FAM169A: variants seen among roughly 807,000 people sequenced by gnomAD.
The protein encoded by FAM169A is family with sequence similarity 169 member A, also known as soluble lamin-associated protein of 75 kDa.
In FAM169A, 24 loss-of-function variants were observed where a neutral mutation model predicts 75.7. The observed-to-expected ratio is 0.32, with a 90% CI of 0.23 to 0.45. The LOEUF (loss-of-function observed/expected upper bound fraction) is 0.45. Ranked by LOEUF, FAM169A falls within the 20% of genes least tolerant of loss-of-function variation. FAM169A has a pLI of 1.00. For synonymous variants in FAM169A, 271 were observed against 271.0 expected (o/e 1.00, Z 0.00); for missense variants, 673 against 784.0 (o/e 0.86, Z 1.69).
Position 74,781,111 on chromosome 5 carries a change from C to T in FAM169A, c.*349G>A. On this transcript the variant is annotated 3_prime_UTR_variant, in exon 13 of 13. Transcript: ENST00000687041. ...CCTTAGTATAAAAGATTTCTGTGAT[C>T]CTTATAAGTAATGGAAATCCTACTA... 1 of 195,118 alleles carries T rather than the reference C, an allele frequency of 5.1e-6. No individual in the cohort carries two copies. 12.1% of individuals were successfully genotyped at this position (195,118 alleles called of 1,614,324 possible).
intron 11 of FAM169A, among the ~76,000 whole-genome samples, chr5:74,794,714 G>C (rs1746172706): frequency 6.6e-6 from 1 of 150,724 alleles, no homozygotes; most frequent in Non-Finnish European, 1.5e-5. Flanking sequence ...GGGAGGCAGA[G>C]CTTGCAGTGA....
At chr5:74,804,392 G>T in intron 8 of FAM169A, 101 bp downstream of exon 8, 2 of 469,714 alleles carry the variant, frequency 4.3e-6, no homozygotes, top group South Asian at 6.8e-5. Flanking sequence ...TAGCTTTGTT[G>T]AATGAACTAT....
chr5:74,840,147 G>T lies in FAM169A; in HGVS notation c.159C>A (p.Gly53=). ...ITIPISLSNV[G]FVPLYGGDQT... Reference sequence around the variant, plus strand: ...GATCTCCACCATAAAGAGGTACAAAGCCTACATTTGACAGGCTAATAGGAA... The same window carrying T: ...GATCTCCACCATAAAGAGGTACAAATCCTACATTTGACAGGCTAATAGGAA... The change falls in exon 3 of 13, where the codon GGC becomes GGA. Residue 53 remains glycine (G), a synonymous_variant. Coordinates refer to ENST00000687041, the MANE Select transcript of FAM169A (RefSeq NM_001376049.1). 6.3e-7 allele frequency: 1 copy of T among 1,591,618 alleles called. No homozygotes were observed. Among genetic ancestry groups the T allele is most frequent in the Non-Finnish European group, 8.6e-7 (1 of 1,167,686 alleles).
At position 74,800,896 on chromosome 5, in the gene FAM169A, T is replaced by C; in HGVS notation, c.1087A>G (p.Thr363Ala). 11 of 1,451,214 alleles carry C rather than the reference T, an allele frequency of 7.6e-6. No individual in the cohort carries two copies. Among genetic ancestry groups the C allele is most frequent in the Non-Finnish European group, 1.0e-5 (11 of 1,096,564 alleles). 89.9% of individuals were successfully genotyped at this position (1,451,214 alleles called of 1,614,324 possible). The change falls in exon 10 of 13, where the codon ACA (threonine) becomes GCA (alanine). Residue 363 changes from threonine (T) to alanine (A), a missense_variant. By Grantham distance (58) the Thr-to-Ala change is moderately conservative. Around this residue, in one of 3 missense-constraint regions of FAM169A, gnomAD observed 510 missense variants for 550.9 expected, o/e 0.93. Transcript: ENST00000687041. ...EDEKTSQTSLTASINKLESTA... is the reference protein window; with the variant it reads ...EDEKTSQTSLAASINKLESTA... ...ATTATTTACTTGTTTATTGAAGCTG[T>C]AAGTGAAGTCTGGGAGGTCTTTTCA...
chr5:74,804,709 A>ATCT (rs1746773376), intron 7 of FAM169A, 104 bp from the exon 8 acceptor site: 2 of 575,658 alleles, frequency 3.5e-6, no homozygotes, highest in African/African-American at 3.8e-5. Flanking sequence ...GCCTGGACAG[A>ATCT]AGGGTCACGA....
intron 1 of FAM169A, among the ~76,000 whole-genome samples, chr5:74,847,472 T>A (rs1173758699): frequency 6.6e-6 from 1 of 152,148 alleles, no homozygotes; most frequent in Non-Finnish European, 1.5e-5. Context: ...TCTCAACTCA[T>A]TTTTTTAGAA....
chr5:74,792,074 T>G (rs567518701), intron 11 of FAM169A, among the ~76,000 whole-genome samples: 1 of 152,326 alleles, frequency 6.6e-6, no homozygotes, highest in Non-Finnish European at 1.5e-5. Flanking sequence ...GGGTTGGGGG[T>G]TTCCACTTGT....
intron 1 of FAM169A, among the ~76,000 whole-genome samples, chr5:74,854,652 T>C (rs1339598431): frequency 6.6e-6 from 1 of 152,064 alleles, no homozygotes. Context: ...ACTCTCTATC[T>C]CCATGAATTT....
chr5:74,790,621 T>C (rs1745926764), intron 11 of FAM169A, among the ~76,000 whole-genome samples: 2 of 152,134 alleles, frequency 1.3e-5, no homozygotes, highest in African/African-American at 4.8e-5. Context: ...ACTTGTTCTG[T>C]GGACACCACA....
At chr5:74,853,389 T>C (rs1749545036) in intron 1 of FAM169A, among the ~76,000 whole-genome samples, 1 of 152,182 alleles carries the variant, frequency 6.6e-6, no homozygotes, top group Admixed American at 6.5e-5. Context: ...CAGGTATTCC[T>C]ATACACCCTT....
intron 6 of FAM169A, among the ~76,000 whole-genome samples, chr5:74,809,387 G>A (rs958520656): frequency 1.3e-5 from 2 of 152,042 alleles, no homozygotes; most frequent in Non-Finnish European, 2.9e-5. Flanking sequence ...GAGGTCAGGA[G>A]ATCGAGACCA....
At chr5:74,810,519 G>A (rs1292382827) in intron 6 of FAM169A, among the ~76,000 whole-genome samples, 2 of 152,124 alleles carry the variant, frequency 1.3e-5, no homozygotes, top group East Asian at 3.9e-4. Flanking sequence ...GGAGTCCGAG[G>A]CGGGTGGATC....
At position 74,800,678 on chromosome 5, in the gene FAM169A, CACAA is replaced by C. The variant is rs570918112; in HGVS notation, c.1103+198_1103+201del. Among the ~76,000 whole-genome samples, 134 of 151,898 alleles carry C rather than the reference CACAA, an allele frequency of 8.8e-4. 1 individual carries two copies. Among genetic ancestry groups the C allele is most frequent in the African/African-American group, 3.1e-3 (129 of 41,450 alleles). ...ACTCCTACACCAAAGTCATCTGCTACACAAACAATGTAATCGCCTCTACCTTAAA... is the reference window on the plus strand; with the variant it reads ...ACTCCTACACCAAAGTCATCTGCTACACAATGTAATCGCCTCTACCTTAAA... On this transcript the variant is annotated intron_variant, in intron 10 of 12. Coordinates refer to ENST00000687041, the MANE Select transcript of FAM169A (RefSeq NM_001376049.1).
At chr5:74,844,558 G>A (rs1749051556) in intron 1 of FAM169A, among the ~76,000 whole-genome samples, 2 of 152,176 alleles carry the variant, frequency 1.3e-5, no homozygotes, top group Admixed American at 6.5e-5. Context: ...AGTGGCTCAC[G>A]CCTGTAATCC....
At position 74,780,311 on chromosome 5, in the gene FAM169A, T is replaced by A. The variant is rs1289044386; in HGVS notation, c.*1149A>T. 6.6e-6 allele frequency: 1 copy of A among 152,092 alleles called. No homozygotes were observed. The highest frequency in any genetic ancestry group is 1.5e-5 in the Non-Finnish European group (1 of 68,034). 9.4% of individuals were successfully genotyped at this position (152,092 alleles called of 1,614,324 possible). On this transcript the variant is annotated 3_prime_UTR_variant, in exon 13 of 13. Transcript: ENST00000687041. ...CATATAGGTCTAACACTGGGGGCAG[T>A]TTTACTCCTGCCATATAGGTCTAAC...
intron 2 of FAM169A, 29 bp downstream of exon 2, chr5:74,841,516 T>C (rs557370887): frequency 5.4e-5 from 82 of 1,531,240 alleles, no homozygotes; most frequent in Non-Finnish European, 7.1e-5. Flanking sequence ...ACTGAAAAGA[T>C]TGATGACAAT....
intron 2 of FAM169A, 84 bp from the exon 3 acceptor site, chr5:74,840,257 A>G (rs960002799): frequency 3.6e-6 from 2 of 552,778 alleles, no homozygotes; most frequent in South Asian, 3.7e-5. Flanking sequence ...AAAGTAGTAA[A>G]TATTTCCTAC....
chr5:74,781,948 G>C lies in FAM169A; in HGVS notation c.1525C>G (p.His509Asp). 1 of 1,613,938 alleles carries C rather than the reference G, an allele frequency of 6.2e-7. No individual in the cohort carries two copies. Among genetic ancestry groups the C allele is most frequent in the South Asian group, 1.1e-5 (1 of 91,072 alleles). The change falls in exon 13 of 13, where the codon CAC becomes GAC. Residue 509 changes from histidine to aspartate, a missense_variant. By Grantham distance (81) the His-to-Asp change is moderately conservative (BLOSUM62 -1). Transcript: ENST00000687041. ...MDEGTSDEKGHMEEKLSLLPR... is the reference protein window; with the variant it reads ...MDEGTSDEKGDMEEKLSLLPR... ...AGTAGGGACAATTTCTCTTCCATGT[G>C]CCCCTTTTCATCAGATGTGCCTTCA...
At chr5:74,784,031 A>G (rs922406923) in intron 11 of FAM169A, among the ~76,000 whole-genome samples, 2 of 152,096 alleles carry the variant, frequency 1.3e-5, no homozygotes, top group African/African-American at 2.4e-5. Context: ...TATCTATTTT[A>G]TTATATCATA....
Sources: allele counts gnomAD v4.1 joint callset (sites outside exome capture counted in the v4.1 genomes callset), GRCh38; gene constraint gnomAD v4.1.1; regional missense constraint gnomAD v4.1.1; transcripts MANE v1.5; gene names NCBI Gene and HGNC (gene_info 2026-07-23, HGNC 2026-07-21).